CATSPERB: variants seen among roughly 807,000 people sequenced by gnomAD.
CATSPERB encodes cation channel sperm-associated auxiliary subunit beta.
CATSPERB carries 93 observed loss-of-function variants against 128.3 expected under a neutral mutation model. That is an observed-to-expected ratio of 0.72 (90% confidence interval 0.61 to 0.86). The LOEUF (loss-of-function observed/expected upper bound fraction) is 0.86. Ranked by LOEUF, CATSPERB falls within the 40% of genes least tolerant of loss-of-function variation. The pLI, the probability that CATSPERB is intolerant of heterozygous loss-of-function variation, is 0.00. For missense variants in CATSPERB, 1,153 were observed against 1,329.5 expected, an observed-to-expected ratio of 0.87 and a Z score of 2.06; for synonymous variants, 381 against 448.8, an observed-to-expected ratio of 0.85 and a Z score of 1.91.
At chr14:91,692,247 G>A (rs1039284448) in intron 9 of CATSPERB, among the ~76,000 whole-genome samples, 4 of 151,094 alleles carry the variant, frequency 2.6e-5, no homozygotes, top group Non-Finnish European at 5.9e-5. Flanking sequence ...GGTTTAGGAA[G>A]GCACACCCTC....
At chr14:91,605,701 T>C (rs1427744253) in intron 22 of CATSPERB, among the ~76,000 whole-genome samples, 2 of 152,198 alleles carry the variant, frequency 1.3e-5, no homozygotes, top group African/African-American at 4.8e-5. Context: ...TGCCTCAGCC[T>C]GGAATGCTGT....
chr14:91,687,436 C>A (rs529283349), intron 10 of CATSPERB, among the ~76,000 whole-genome samples: 1 of 152,094 alleles, frequency 6.6e-6, no homozygotes, highest in East Asian at 1.9e-4. Context: ...AAAAGAGAAC[C>A]CAGGGAGATC....
intron 2 of CATSPERB, among the ~76,000 whole-genome samples, chr14:91,728,956 A>G (rs1896164339): frequency 6.6e-6 from 1 of 152,240 alleles, no homozygotes; most frequent in Non-Finnish European, 1.5e-5. Context: ...CCTGTAGCCA[A>G]CCATAGTCTA....
chr14:91,617,648 A>C lies in CATSPERB; in HGVS notation c.2349T>G (p.Asp783Glu). Residue 783 changes from aspartate to glutamate, a missense_variant, in exon 20 of 27, where the codon GAT (aspartate) becomes GAG (glutamate). Physicochemically the swap from Asp to Glu is conservative, Grantham distance 45 (BLOSUM62 2). Coordinates refer to ENST00000256343, the MANE Select transcript of CATSPERB (RefSeq NM_024764.4). Reference sequence around the variant, plus strand: ...AAATTGTTATTACATAACTGTCAGTATCATCAAAAGTCACTTCAGCTGTAA... The same window carrying C: ...AAATTGTTATTACATAACTGTCAGTCTCATCAAAAGTCACTTCAGCTGTAA... The part of the protein sequence containing the change: ...LEVTAEVTFD[D>E]TDSYVITISA... The C allele has an allele frequency of 1.2e-6, 2 of 1,601,072 alleles. No homozygotes were observed. Among genetic ancestry groups the C allele is most frequent in the Non-Finnish European group, 8.5e-7 (1 of 1,175,574 alleles).
chr14:91,684,605 C>CTTTT (rs1160778932), intron 10 of CATSPERB, among the ~76,000 whole-genome samples: 14 of 112,280 alleles, frequency 1.2e-4, no homozygotes, highest in East Asian at 2.6e-4. Flanking sequence ...GGAGACACTT[C>CTTTT]TTTTTTTTTT....
chr14:91,639,335 C>T (rs1894446366), intron 15 of CATSPERB, 85 bp from the exon 16 acceptor site: 1 of 1,115,162 alleles, frequency 9.0e-7, no homozygotes, highest in Admixed American at 2.5e-5. Context: ...AAGACACCTT[C>T]ATTTAAACTA....
At chr14:91,712,087 T>C (rs1336341540) in intron 5 of CATSPERB, among the ~76,000 whole-genome samples, 1 of 152,176 alleles carries the variant, frequency 6.6e-6, no homozygotes, top group East Asian at 1.9e-4. Flanking sequence ...GAGAGAAATA[T>C]ATAGCAGTAA....
intron 23 of CATSPERB, among the ~76,000 whole-genome samples, chr14:91,590,973 A>G (rs1242713321): frequency 6.6e-6 from 1 of 151,652 alleles, no homozygotes; most frequent in African/African-American, 2.4e-5. Flanking sequence ...ACATATGTAT[A>G]GTCTGTGTAA....
At chr14:91,721,184 C>T (rs1045202946) in intron 4 of CATSPERB, among the ~76,000 whole-genome samples, 4 of 152,158 alleles carry the variant, frequency 2.6e-5, no homozygotes, top group Non-Finnish European at 2.9e-5. Flanking sequence ...GTTTTCTACA[C>T]ATGACACCAA....
chr14:91,676,335 G>A (rs737043), intron 11 of CATSPERB, among the ~76,000 whole-genome samples: 58,466 of 151,886 alleles, frequency 0.38, 11,547 homozygotes, highest in Middle Eastern at 0.44. Flanking sequence ...CATCAATATA[G>A]GCTGCTCCTC....
intron 7 of CATSPERB, among the ~76,000 whole-genome samples, chr14:91,702,935 T>G (rs1250246686): frequency 6.6e-6 from 1 of 151,946 alleles, no homozygotes; most frequent in African/African-American, 2.4e-5. Flanking sequence ...CCTGGGTACT[T>G]TTTGGGATTT....
In CATSPERB at chr14:91,729,284, T is replaced by C. The variant is rs546642937; in HGVS notation, c.79+117A>G. The C allele has an allele frequency of 8.4e-6, 4 of 478,274 alleles. No homozygotes were observed. In the Admixed American group the frequency reaches 1.3e-4, roughly 15 times the overall value. 29.6% of individuals were successfully genotyped at this position (478,274 alleles called of 1,614,324 possible). On this transcript the variant is annotated intron_variant, in intron 2 of 26. Transcript: ENST00000256343. Reference sequence around the variant, plus strand: ...TATAATTGACAATATTGGGAAACAATTGGAAGATAAGATAAAGAAGAAATA... The same window carrying C: ...TATAATTGACAATATTGGGAAACAACTGGAAGATAAGATAAAGAAGAAATA...
At chr14:91,681,529 A>C (rs1895280776) in intron 11 of CATSPERB, among the ~76,000 whole-genome samples, 1 of 152,182 alleles carries the variant, frequency 6.6e-6, no homozygotes, top group South Asian at 2.1e-4. Flanking sequence ...AACCCTTTTG[A>C]GATTGTTTAT....
chr14:91,628,641 G>A (rs1429588173), intron 17 of CATSPERB, among the ~76,000 whole-genome samples: 2 of 152,092 alleles, frequency 1.3e-5, no homozygotes, highest in African/African-American at 2.4e-5. Context: ...TTCTCCTGCC[G>A]CCATGTAAGA....
chr14:91,669,360 T>C (rs1895045991), intron 14 of CATSPERB, among the ~76,000 whole-genome samples: 1 of 150,554 alleles, frequency 6.6e-6, no homozygotes, highest in Admixed American at 6.6e-5. Flanking sequence ...TTCAGTGTAC[T>C]GATACAGAAC....
rs370640662 is a variant in CATSPERB, at chr14:91,683,892, T to C, written c.916A>G (p.Arg306Gly). ...LWYNERCFANREHFEVDYVTV... is the reference protein window; with the variant it reads ...LWYNERCFANGEHFEVDYVTV... ...CAAAATTTACCTTCAAAGTGCTCTC[T>C]GTTAGCAAAACATCTTTCATTATAC... is the stretch of plus-strand genomic sequence containing the variant. The change falls in exon 11 of 27, where the codon AGA (arginine) becomes GGA (glycine). Residue 306 changes from arginine to glycine, a missense_variant. Arg to Gly is a moderately radical substitution (Grantham distance 125). Coordinates refer to ENST00000256343, the MANE Select transcript of CATSPERB (RefSeq NM_024764.4). 9 of 1,605,990 alleles carry C rather than the reference T, an allele frequency of 5.6e-6. No individual in the cohort carries two copies. The African/African-American group carries it at 1.2e-4, about 22-fold the overall frequency.
intron 11 of CATSPERB, among the ~76,000 whole-genome samples, chr14:91,679,166 G>A (rs1351092940): frequency 6.6e-6 from 1 of 152,086 alleles, no homozygotes; most frequent in Admixed American, 6.6e-5. Context: ...GGGTTATGAT[G>A]TGGGAAAACA....
At chr14:91,683,243 G>A (rs1369946809) in intron 11 of CATSPERB, among the ~76,000 whole-genome samples, 1 of 152,124 alleles carries the variant, frequency 6.6e-6, no homozygotes, top group Non-Finnish European at 1.5e-5. Flanking sequence ...AGGAACTCAA[G>A]AATATTTCCA....
Position 91,693,157 on chromosome 14 carries a change from T to C in CATSPERB, c.800A>G (p.Asp267Gly), listed in dbSNP as rs778394218. The C allele has an allele frequency of 1.9e-6, 3 of 1,613,530 alleles. No homozygotes were observed. Among genetic ancestry groups the C allele is most frequent in the Middle Eastern group, 1.7e-4 (1 of 5,968 alleles). The change falls in exon 9 of 27, where the codon GAT becomes GGT. Residue 267 changes from aspartate to glycine, a missense_variant. By Grantham distance (94) the Asp-to-Gly change is moderately conservative. Coordinates refer to ENST00000256343, the MANE Select transcript of CATSPERB (RefSeq NM_024764.4). ...GCTGTGGCGTGATGGATAACGAAGATCTTCACTTACAAAAAGGCCCAAAGA... is the reference window on the plus strand; with the variant it reads ...GCTGTGGCGTGATGGATAACGAAGACCTTCACTTACAAAAAGGCCCAAAGA... ...LTSLGLFVSE[D>G]LRYPSRHSLS... is the part of the protein sequence containing the mutation.
Sources: gnomAD v4.1 joint callset for allele counts (sites outside exome capture counted in the v4.1 genomes callset) on GRCh38, gnomAD v4.1.1 for gene constraint, MANE v1.5 for transcripts, NCBI Gene and HGNC (gene_info 2026-07-23, HGNC 2026-07-21) for gene names.